CLSTN2: variants seen among roughly 807,000 people sequenced by gnomAD.
CLSTN2 encodes calsyntenin-2.
In CLSTN2, 48 loss-of-function variants were observed where a neutral mutation model predicts 101.2. The observed-to-expected ratio is 0.47, with a 90% CI of 0.38 to 0.60. The LOEUF (loss-of-function observed/expected upper bound fraction) is 0.60, where lower values mean the gene tolerates loss of function less well. Ranked by LOEUF, CLSTN2 falls within the 20% of genes least tolerant of loss-of-function variation. The pLI, the probability that CLSTN2 is intolerant of heterozygous loss-of-function variation, is 0.00. For synonymous variants in CLSTN2, 481 were observed against 463.6 expected, an observed-to-expected ratio of 1.04 and a Z score of -0.48; for missense variants, 1,160 against 1,238.2, an observed-to-expected ratio of 0.94 and a Z score of 0.95.
chr3:140,000,523 A>T (rs16849640), intron 1 of CLSTN2, among the ~76,000 whole-genome samples: 11,764 of 152,228 alleles, frequency 0.077, 492 homozygotes, highest in East Asian at 0.14. Flanking sequence ...TCATGTCTTG[A>T]TCCATAAAAC....
chr3:140,187,079 G>T (rs1553720380), intron 2 of CLSTN2, among the ~76,000 whole-genome samples: 1 of 151,912 alleles, frequency 6.6e-6, no homozygotes, highest in Non-Finnish European at 1.5e-5. Flanking sequence ...CTTTTTTTGT[G>T]CCTTTCCCTT....
intron 2 of CLSTN2, among the ~76,000 whole-genome samples, chr3:140,257,462 T>C (rs2086613166): frequency 6.6e-6 from 1 of 152,128 alleles, no homozygotes; most frequent in African/African-American, 2.4e-5. Flanking sequence ...AATTGACTAT[T>C]GTTCAGTTAT....
intron 2 of CLSTN2, among the ~76,000 whole-genome samples, chr3:140,205,833 C>T (rs1261366541): frequency 6.6e-6 from 1 of 152,138 alleles, no homozygotes; most frequent in Non-Finnish European, 1.5e-5. Context: ...ACAGCCATGA[C>T]TCATGAAGCT....
At chr3:140,430,649 C>T (rs1415457986) in intron 5 of CLSTN2, among the ~76,000 whole-genome samples, 1 of 152,046 alleles carries the variant, frequency 6.6e-6, no homozygotes, top group African/African-American at 2.4e-5. Flanking sequence ...CTCTTGTTGT[C>T]CATTGGCGCC....
In CLSTN2 at chr3:140,563,155, C is replaced by A; in HGVS notation, c.2434C>A (p.Gln812Lys). 6.2e-7 allele frequency: 1 copy of A among 1,614,122 alleles called. No individual in the cohort carries two copies. The highest frequency in any genetic ancestry group is 8.5e-7 in the Non-Finnish European group (1 of 1,179,994). Reference protein sequence around the residue: ...NHLIVQPPFLQSVHHPESRSS... With the variant: ...NHLIVQPPFLKSVHHPESRSS... ...TCTGATTGTGCAGCCTCCCTTCCTC[C>A]AGTCTGTCCATCATCCTGAGTCCCG... is the stretch of plus-strand genomic sequence containing the variant. Residue 812 changes from glutamine to lysine, a missense_variant, in exon 15 of 17, where the codon CAG (glutamine) becomes AAG (lysine). Physicochemically the swap from Gln to Lys is moderately conservative, Grantham distance 53. Coordinates refer to ENST00000458420, the MANE Select transcript of CLSTN2 (RefSeq NM_022131.3).
intron 2 of CLSTN2, among the ~76,000 whole-genome samples, chr3:140,254,425 G>C (rs900841792): frequency 6.6e-6 from 1 of 152,080 alleles, no homozygotes; most frequent in Non-Finnish European, 1.5e-5. Flanking sequence ...CATTTTTATG[G>C]GAAGCAGAAC....
In CLSTN2 at chr3:140,558,684, C is replaced by T. The variant is rs765701920; in HGVS notation, c.1868C>T (p.Ala623Val). Residue 623 changes from alanine (A) to valine (V), a missense_variant, in exon 12 of 17, where the codon GCC becomes GTC. Ala to Val is a moderately conservative substitution (Grantham distance 64, BLOSUM62 0). Coordinates refer to ENST00000458420, the MANE Select transcript of CLSTN2 (RefSeq NM_022131.3). ...DVCISIPEVDAYVMVLQAIEP... is the reference protein window; with the variant it reads ...DVCISIPEVDVYVMVLQAIEP... The stretch of plus-strand genomic sequence containing the variant: ...TGCATCAGTATCCCTGAGGTAGATG[C>T]CTATGTGATGGTCCTCCAGGCCATC... The T allele has an allele frequency of 8.1e-6, 13 of 1,613,882 alleles. No homozygotes were observed. The highest frequency in any genetic ancestry group is 1.7e-5 in the Admixed American group (1 of 59,988).
intron 1 of CLSTN2, among the ~76,000 whole-genome samples, chr3:140,021,798 G>A (rs1374193901): frequency 6.6e-6 from 1 of 152,160 alleles, no homozygotes; most frequent in Non-Finnish European, 1.5e-5. Flanking sequence ...CCAGATGACA[G>A]GACTACCCTA....
chr3:140,438,516 G>T (rs73228993), intron 5 of CLSTN2, among the ~76,000 whole-genome samples: 5,118 of 130,892 alleles, frequency 0.039, 116 homozygotes, highest in Non-Finnish European at 0.055. Context: ...ATATGAAAAA[G>T]TATACATAAG....
chr3:140,061,040 G>T (rs1467508747), intron 1 of CLSTN2, among the ~76,000 whole-genome samples: 1 of 152,178 alleles, frequency 6.6e-6, no homozygotes, highest in Non-Finnish European at 1.5e-5. Context: ...CATAAGAGAA[G>T]ATATTACTTA....
At chr3:140,309,412 G>C (rs570505152) in intron 2 of CLSTN2, among the ~76,000 whole-genome samples, 51 of 152,274 alleles carry the variant, frequency 3.3e-4, no homozygotes, top group African/African-American at 1.2e-3. Flanking sequence ...GGTGGGGCCA[G>C]ATTTTGCAGG....
rs553190517 is a variant in CLSTN2, at chr3:140,324,799, G to A, written c.233-78830G>A. Among the ~76,000 whole-genome samples, 14 of 152,290 alleles carry A rather than the reference G, an allele frequency of 9.2e-5. No individual in the cohort carries two copies. The South Asian group carries it at 2.3e-3, about 25-fold the overall frequency. On this transcript the variant is annotated intron_variant, in intron 2 of 16. Coordinates refer to ENST00000458420, the MANE Select transcript of CLSTN2 (RefSeq NM_022131.3). ...CCTTACGTCTCATGCATTTTTACCA[G>A]ATTTGTTGAAACAAGTGAGAGATGA...
chr3:140,337,567 C>A (rs2087455579), intron 2 of CLSTN2, among the ~76,000 whole-genome samples: 1 of 152,188 alleles, frequency 6.6e-6, no homozygotes, highest in Non-Finnish European at 1.5e-5. Context: ...GGATTTCTTT[C>A]AGGGGACACA....
At chr3:140,363,570 G>A (rs943313340) in intron 2 of CLSTN2, among the ~76,000 whole-genome samples, 4 of 152,206 alleles carry the variant, frequency 2.6e-5, no homozygotes, top group Admixed American at 1.3e-4. Context: ...TACCATGGCA[G>A]CTGACAGTGG....
intron 2 of CLSTN2, among the ~76,000 whole-genome samples, chr3:140,188,596 A>G (rs929727401): frequency 2.6e-5 from 4 of 152,182 alleles, no homozygotes; most frequent in African/African-American, 9.6e-5. Flanking sequence ...TGGCTAGGGT[A>G]AGTCTGGACT....
At chr3:139,997,501 G>A (rs566619500) in intron 1 of CLSTN2, among the ~76,000 whole-genome samples, 279 of 152,202 alleles carry the variant, frequency 1.8e-3, no homozygotes, top group African/African-American at 6.1e-3. Context: ...ATACATTAAA[G>A]TTCCATGTAT....
At chr3:140,002,038 G>A (rs1289711809) in intron 1 of CLSTN2, among the ~76,000 whole-genome samples, 1 of 152,136 alleles carries the variant, frequency 6.6e-6, no homozygotes, top group East Asian at 1.9e-4. Flanking sequence ...GGACACTTAG[G>A]TTGCTTCCAA....
chr3:140,316,583 A>G (rs910059628), intron 2 of CLSTN2, among the ~76,000 whole-genome samples: 18 of 152,180 alleles, frequency 1.2e-4, no homozygotes, highest in African/African-American at 4.3e-4. Context: ...CATTTTAATC[A>G]TCAGTTCATT....
chr3:139,980,340 C>A (rs746902252), intron 1 of CLSTN2, among the ~76,000 whole-genome samples: 1 of 152,060 alleles, frequency 6.6e-6, no homozygotes, highest in African/African-American at 2.4e-5. Context: ...TTGCACTTGC[C>A]GTTCCCTGAT....
Sources: allele counts gnomAD v4.1 joint callset (sites outside exome capture counted in the v4.1 genomes callset), GRCh38; gene constraint gnomAD v4.1.1; transcripts MANE v1.5; gene names NCBI Gene and HGNC (gene_info 2026-07-23, HGNC 2026-07-21).